PWWP2A: variants seen among roughly 807,000 people sequenced by gnomAD.
The protein encoded by PWWP2A is PWWP domain-containing protein 2A.
A neutral mutation model predicts 48.5 loss-of-function variants in PWWP2A; 18 were observed. The ratio of observed to expected loss-of-function variants is 0.37; its 90% CI spans 0.26 to 0.55. The LOEUF (loss-of-function observed/expected upper bound fraction) is 0.55, where lower values mean the gene tolerates loss of function less well. Ranked by LOEUF, PWWP2A falls within the 20% of genes least tolerant of loss-of-function variation. The pLI is 0.81. For synonymous variants in PWWP2A, 396 were observed against 387.7 expected, an observed-to-expected ratio of 1.02 and a Z score of -0.25; for missense variants, 867 against 976.4, an observed-to-expected ratio of 0.89 and a Z score of 1.49.
intron 1 of PWWP2A, among the ~76,000 whole-genome samples, chr5:160,097,364 A>T (rs1045617820): frequency 4.6e-5 from 5 of 108,486 alleles, no homozygotes; most frequent in Non-Finnish European, 7.6e-5. Flanking sequence ...AAAAAAAAAA[A>T]GGCCAGGCAC....
downstream of PWWP2A, chr5:160,089,841 C>T (rs566799634): frequency 1.0e-6 from 1 of 985,346 alleles, no homozygotes; most frequent in Non-Finnish European, 1.2e-6. Context: ...AGAATAAGTG[C>T]CTTTTATCAT....
chr5:160,070,650 T>A (rs1286422020), intron 2 of PWWP2A, among the ~76,000 whole-genome samples: 1 of 152,210 alleles, frequency 6.6e-6, no homozygotes, highest in East Asian at 1.9e-4. Context: ...GACAGTGTTA[T>A]ACCATGTCTA....
intron 2 of PWWP2A, among the ~76,000 whole-genome samples, chr5:160,068,920 T>C (rs901581770): frequency 6.6e-6 from 1 of 152,198 alleles, no homozygotes; most frequent in Admixed American, 6.5e-5. Flanking sequence ...TCAAGATCAA[T>C]AGAAACTAGT....
intron 1 of PWWP2A, among the ~76,000 whole-genome samples, chr5:160,107,837 C>T (rs1372420506): frequency 5.9e-5 from 9 of 152,066 alleles, no homozygotes; most frequent in Admixed American, 5.9e-4. Flanking sequence ...TCTGTCTCTA[C>T]TAAAAATACA....
chr5:160,108,559 G>C (rs1354498744), intron 1 of PWWP2A: 2 of 1,285,848 alleles, frequency 1.6e-6, no homozygotes, highest in African/African-American at 3.0e-5. Context: ...TCACCAGAAT[G>C]GCTGTATATT....
chr5:160,052,548 C>CAAAA, the PWWP2A span, among the ~76,000 whole-genome samples: 4,440 of 67,972 alleles, frequency 0.065, 955 homozygotes, highest in African/African-American at 0.16. Flanking sequence ...TCTATTTTAG[C>CAAAA]AAAAAAAAAA....
chr5:160,080,617 C>A, intron 3 of PWWP2A: 1 of 1,497,030 alleles, frequency 6.7e-7, no homozygotes, highest in Non-Finnish European at 9.0e-7. Context: ...ATGATGCCCT[C>A]TTCACTTTGT....
the PWWP2A span, chr5:160,051,176 G>A: frequency 8.1e-6 from 13 of 1,609,326 alleles, no homozygotes; most frequent in African/African-American, 2.7e-5. Context: ...TAAAAGAAGA[G>A]ATGTTAGGTA....
chr5:160,096,237 C>T (rs1276171906), intron 1 of PWWP2A, among the ~76,000 whole-genome samples: 6 of 151,872 alleles, frequency 4.0e-5, no homozygotes, highest in Admixed American at 2.6e-4. Flanking sequence ...TTTTTACCTA[C>T]GGTAAGACAA....
rs1449615013 is a variant in PWWP2A at position 160,102,140 on chromosome 5, G to A, written c.585-8075C>T. Among the ~76,000 whole-genome samples the A allele has an allele frequency of 2.0e-5, 3 of 148,610 alleles. No individual in the cohort carries two copies. In the Admixed American group the frequency reaches 2.0e-4, roughly 10 times the overall value. ...AAAAAAAAAAAAAATGCAGCCAGGTGTAATGGCTCACGCTTGTAACACTTT... is the reference window on the plus strand; with the variant it reads ...AAAAAAAAAAAAAATGCAGCCAGGTATAATGGCTCACGCTTGTAACACTTT... On this transcript the variant is annotated intron_variant, in intron 1 of 1. Transcript: ENST00000307063.
At chr5:160,074,754 C>CAA (rs779908628), downstream of PWWP2A, among the ~76,000 whole-genome samples, 21 of 136,600 alleles carry the variant, frequency 1.5e-4, no homozygotes, top group Middle Eastern at 7.3e-3. Context: ...CTCAAAAAAA[C>CAA]AAAAAAAAAA....
At chr5:160,050,340 G>A in the PWWP2A span, among the ~76,000 whole-genome samples, 5 of 151,662 alleles carry the variant, frequency 3.3e-5, no homozygotes, top group South Asian at 6.3e-4. Flanking sequence ...CCAGCTACTC[G>A]AGAGGCTGAG....
the PWWP2A span, among the ~76,000 whole-genome samples, chr5:160,051,805 ACTTAAGT>A: frequency 4.6e-3 from 701 of 152,326 alleles, 8 homozygotes; most frequent in African/African-American, 0.016. Flanking sequence ...CTGAACACAG[ACTTAAGT>A]CTTTTCCACA....
chr5:160,061,052 T>C (rs571893628), downstream of PWWP2A, among the ~76,000 whole-genome samples: 1 of 152,366 alleles, frequency 6.6e-6, no homozygotes, highest in East Asian at 1.9e-4. Context: ...AAGCTGTCAG[T>C]GGCCTCCTGT....
At chr5:160,090,455 T>C (rs887259401), downstream of PWWP2A, 44 of 981,728 alleles carry the variant, frequency 4.5e-5, no homozygotes, top group Non-Finnish European at 5.3e-5. Context: ...TTATAACTTC[T>C]CAACCACACT....
At chr5:160,080,895 C>G in intron 2 of PWWP2A, 1 of 840,796 alleles carries the variant, frequency 1.2e-6, no homozygotes, top group East Asian at 2.8e-5. Flanking sequence ...CAAATTTATT[C>G]TGGATAACTT....
intron 1 of PWWP2A, 134 bp downstream of exon 1, chr5:160,118,671 C>A (rs1399088281): frequency 2.2e-6 from 2 of 928,004 alleles, no homozygotes; most frequent in Non-Finnish European, 1.5e-6. Flanking sequence ...GAGCGCGCGC[C>A]ACGCGCCGCG....
chr5:160,049,718 G>C, the PWWP2A span: 1 of 1,357,166 alleles, frequency 7.4e-7, no homozygotes, highest in Middle Eastern at 2.6e-4. Flanking sequence ...TTGCTACCCA[G>C]TGAGTCCTAA....
chr5:160,045,454 C>CCACACACACACACACACA, the PWWP2A span, among the ~76,000 whole-genome samples: 3 of 38,878 alleles, frequency 7.7e-5, no homozygotes, highest in Non-Finnish European at 1.4e-4. Flanking sequence ...CCCCCACCCT[C>CCACACACACACACACACA]CACACACACA....
Sources: gnomAD v4.1 joint callset for allele counts (sites outside exome capture counted in the v4.1 genomes callset) on GRCh38, gnomAD v4.1.1 for gene constraint, MANE v1.5 for transcripts, NCBI Gene and HGNC (gene_info 2026-07-23, HGNC 2026-07-21) for gene names.